Variants in FGD2 observed in about 807,000 individuals in gnomAD.
FGD2 encodes FYVE, RhoGEF and PH domain-containing protein 2.
Under a neutral mutation model 75.9 loss-of-function variants are expected in FGD2, and 52 were observed. That is an observed-to-expected ratio of 0.69 (90% CI 0.55 to 0.86). The LOEUF (loss-of-function observed/expected upper bound fraction) is 0.86, where lower values mean the gene tolerates loss of function less well. Among genes scored for constraint, FGD2 ranks in the 40% least tolerant of loss-of-function variants. FGD2 has a pLI of 0.00. For missense variants in FGD2, 790 were observed against 872.0 expected (o/e 0.91, Z 1.18); for synonymous variants, 347 against 348.6 (o/e 1.00, Z 0.05).
intron 4 of FGD2, among the ~76,000 whole-genome samples, chr6:37,012,661 A>T (rs553973934): frequency 6.6e-6 from 1 of 151,198 alleles, no homozygotes; most frequent in South Asian, 2.1e-4. Context: ...GCAGTGAGCC[A>T]TGATTGTGCC....
At position 37,009,043 on chromosome 6, in the gene FGD2, C is replaced by A. The variant is rs754636366; in HGVS notation, c.278C>A (p.Thr93Asn). ...EAWRKSCQPV[T>N]LSGSGTQEPE... ...TGGAGGAAATCTTGCCAGCCTGTGA[C>A]CCTCTCAGGATCGGGGACGCAGGTG... The change falls in exon 2 of 16, where the codon ACC (threonine) becomes AAC (asparagine). Residue 93 changes from threonine (T) to asparagine (N), a missense_variant. Physicochemically the swap from Thr to Asn is moderately conservative, Grantham distance 65 (BLOSUM62 0). Transcript: ENST00000274963. 6 of 1,614,168 alleles carry A rather than the reference C, an allele frequency of 3.7e-6. No individual in the cohort carries two copies. Among genetic ancestry groups the A allele is most frequent in the Admixed American group, 3.3e-5 (2 of 60,028 alleles).
At chr6:37,021,211 C>T (rs1765576784) in intron 11 of FGD2, among the ~76,000 whole-genome samples, 1 of 152,072 alleles carries the variant, frequency 6.6e-6, no homozygotes, top group Non-Finnish European at 1.5e-5. Flanking sequence ...CCCTGCTCTT[C>T]CTAAGGAGCT....
At position 37,005,904 on chromosome 6, in the gene FGD2, G is replaced by C. The variant is rs1187845778; in HGVS notation, c.68+19G>C. 1 of 1,612,230 alleles carries C rather than the reference G, an allele frequency of 6.2e-7. No individual in the cohort carries two copies. The highest frequency in any genetic ancestry group is 1.7e-5 in the Admixed American group (1 of 59,862). ...ATAGCAGGTATGGGCAGCTGGGGTG[G>C]GAGGGTCACCATGGTGGGCTGGCAG... On this transcript the variant is annotated intron_variant, in intron 1 of 15. Coordinates refer to ENST00000274963, the MANE Select transcript of FGD2 (RefSeq NM_173558.4).
In FGD2 at chr6:37,005,955, C is replaced by G; in HGVS notation, c.68+70C>G. 1.9e-6 allele frequency: 3 copies of G among 1,557,808 alleles called. No individual in the cohort carries two copies. In the South Asian group the frequency reaches 3.4e-5, roughly 18 times the overall value. On this transcript the variant is annotated intron_variant, in intron 1 of 15. Transcript: ENST00000274963. ...CCACCCTCCAGCCTTTCTGGCAGCT[C>G]TCTCCCTGGGCCCTGCCCCGGACCC... is the stretch of plus-strand genomic sequence containing the variant.
At chr6:37,015,473 C>A (rs766151572) in intron 8 of FGD2, among the ~76,000 whole-genome samples, 3 of 152,206 alleles carry the variant, frequency 2.0e-5, no homozygotes, top group African/African-American at 7.2e-5. Flanking sequence ...CTCTTGTAAA[C>A]CCCTGCCATC....
chr6:37,026,346 C>T (rs1435232876), intron 14 of FGD2: 1 of 985,320 alleles, frequency 1.0e-6, no homozygotes, highest in Non-Finnish European at 1.2e-6. Context: ...TTGGAGACTC[C>T]ATTCTAACTG....
chr6:37,011,766 G>T lies in FGD2; in HGVS notation c.439G>T (p.Val147Phe). 2.5e-6 allele frequency: 4 copies of T among 1,614,182 alleles called. No homozygotes were observed. The highest frequency in any genetic ancestry group is 3.4e-6 in the Non-Finnish European group (4 of 1,180,028). Residue 147 changes from valine (V) to phenylalanine (F), a missense_variant, in exon 4 of 16, where the codon GTC (valine) becomes TTC (phenylalanine). Transcript: ENST00000274963. The stretch of plus-strand genomic sequence containing the variant: ...CAGCAAGGCCTTCCCAGAGGATGTG[G>T]TCAGGGTCATCTTCTCCAACATCTC... ...RSSKAFPEDV[V>F]RVIFSNISSI...
intron 1 of FGD2, among the ~76,000 whole-genome samples, chr6:37,008,571 C>T (rs1336663251): frequency 1.3e-5 from 2 of 152,184 alleles, no homozygotes; most frequent in Non-Finnish European, 2.9e-5. Flanking sequence ...GACACTGTGG[C>T]TTCATTTTAA....
chr6:37,014,793 C>G, intron 7 of FGD2, 89 bp downstream of exon 7: 1 of 1,608,960 alleles, frequency 6.2e-7, no homozygotes, highest in Non-Finnish European at 8.5e-7. Context: ...CACTGCTGCC[C>G]TCACTGTTAC....
At chr6:37,022,475 C>T (rs1426141244) in intron 13 of FGD2, 105 bp downstream of exon 13, 4 of 1,425,792 alleles carry the variant, frequency 2.8e-6, no homozygotes, top group Admixed American at 5.8e-5. Flanking sequence ...CTTGATCCAC[C>T]TAGGCCTCCA....
chr6:37,008,827 T>C lies in FGD2; in HGVS notation c.69-7T>C. ...AGGAAGCCCTCAGGTCTGTCTCTTC[T>C]CCTCAGGACCCCAGAAGCAGCACCC... On this transcript the variant is annotated splice_region_variant and splice_polypyrimidine_tract_variant and intron_variant, in intron 1 of 15. Coordinates refer to ENST00000274963, the MANE Select transcript of FGD2 (RefSeq NM_173558.4). 1 of 1,566,484 alleles carries C rather than the reference T, an allele frequency of 6.4e-7. No individual in the cohort carries two copies. The highest frequency in any genetic ancestry group is 8.7e-7 in the Non-Finnish European group (1 of 1,153,750).
At chr6:37,013,807 G>A (rs1432441580) in intron 5 of FGD2, 42 bp downstream of exon 5, 1 of 1,608,780 alleles carries the variant, frequency 6.2e-7, no homozygotes. Context: ...GCCACTCCCA[G>A]CATGCAGTGG....
Position 37,018,638 on chromosome 6 carries a change from G to T in FGD2, c.1123-1903G>T, listed in dbSNP as rs1765419120. ...GGACACACATACCTAGGGGCTCCAC[G>T]TACAGTTGTGCAGGTTGTACACTGC... On this transcript the variant is annotated intron_variant, in intron 9 of 15. Coordinates refer to ENST00000274963, the MANE Select transcript of FGD2 (RefSeq NM_173558.4). Among the ~76,000 whole-genome samples, 4 of 152,192 alleles carry T rather than the reference G, an allele frequency of 2.6e-5. No homozygotes were observed. The South Asian group carries it at 6.2e-4, about 24-fold the overall frequency.
chr6:37,023,283 C>T (rs533299297), intron 13 of FGD2: 3 of 154,766 alleles, frequency 1.9e-5, no homozygotes, highest in East Asian at 3.8e-4. Context: ...GATCGTGAAA[C>T]CTACCTCCAG....
chr6:37,011,693 G>T lies in FGD2; in HGVS notation c.379-13G>T. The T allele has an allele frequency of 6.2e-7, 1 of 1,613,960 alleles. No homozygotes were observed. Among genetic ancestry groups the T allele is most frequent in the Admixed American group, 1.7e-5 (1 of 60,000 alleles). ...CTGTCACTGCAGTGAGTGACCTGTC[G>T]TGGCGGCTACAGGTGTTTTTCCAGG... On this transcript the variant is annotated splice_polypyrimidine_tract_variant and intron_variant, in intron 3 of 15. Coordinates refer to ENST00000274963, the MANE Select transcript of FGD2 (RefSeq NM_173558.4).
chr6:37,007,368 T>C (rs1764802777), intron 1 of FGD2, among the ~76,000 whole-genome samples: 1 of 152,162 alleles, frequency 6.6e-6, no homozygotes, highest in Non-Finnish European at 1.5e-5. Context: ...GCCAAGCTCG[T>C]CCTGTTCAGC....
intron 9 of FGD2, among the ~76,000 whole-genome samples, chr6:37,018,308 G>A (rs747585723): frequency 2.3e-4 from 35 of 152,114 alleles, no homozygotes; most frequent in Non-Finnish European, 4.7e-4. Flanking sequence ...TGCTAGTCTC[G>A]GCTAACATGT....
chr6:37,011,572 G>T (rs1765005604), intron 3 of FGD2, 134 bp from the exon 4 acceptor site: 1 of 1,220,476 alleles, frequency 8.2e-7, no homozygotes, highest in Non-Finnish European at 1.2e-6. Flanking sequence ...TCTTTTCCCG[G>T]GGTTGCTGTG....
chr6:37,021,522 C>A lies in FGD2; in HGVS notation c.1244C>A (p.Ala415Glu). The change falls in exon 12 of 16, where the codon GCA becomes GAA. Residue 415 changes from alanine (A) to glutamate (E), a missense_variant. By Grantham distance (107) the Ala-to-Glu change is moderately radical. Coordinates refer to ENST00000274963, the MANE Select transcript of FGD2 (RefSeq NM_173558.4). ...CTCCCTGCACCCCAGGCCTTCCAAG[C>A]AGCCATTGACCAAATCGAGAAGCGG... The part of the protein sequence containing the change: ...EMISWMQAFQ[A>E]AIDQIEKRNE... 3 of 1,613,498 alleles carry A rather than the reference C, an allele frequency of 1.9e-6. No homozygotes were observed. Among genetic ancestry groups the A allele is most frequent in the Non-Finnish European group, 2.5e-6 (3 of 1,179,704 alleles).
Sources: allele counts gnomAD v4.1 joint callset (sites outside exome capture counted in the v4.1 genomes callset), GRCh38; gene constraint gnomAD v4.1.1; transcripts MANE v1.5; gene names NCBI Gene and HGNC (gene_info 2026-07-23, HGNC 2026-07-21).